The following TENM2 variants were observed in gnomAD, a reference collection of about 807,000 sequenced individuals.
TENM2 encodes teneurin transmembrane protein 2, also known as teneurin-2.
Under a neutral mutation model 245.2 loss-of-function variants are expected in TENM2, and 52 were observed. The observed-to-expected ratio is 0.21, with a 90% CI of 0.17 to 0.27. TENM2 has a LOEUF of 0.27. Among genes scored for constraint, TENM2 ranks in the 10% least tolerant of loss-of-function variants. TENM2 has a pLI of 1.00. For synonymous variants in TENM2, 1,363 were observed against 1,438.9 expected (o/e 0.95, Z 1.19); for missense variants, 3,046 against 3,666.8 (o/e 0.83, Z 4.37).
chr5:168,065,997 G>T (rs150762081), intron 7 of TENM2, among the ~76,000 whole-genome samples: 2 of 152,094 alleles, frequency 1.3e-5, no homozygotes, highest in African/African-American at 4.8e-5. Context: ...GTTGCTACTA[G>T]TACCTAGTGG....
intron 2 of TENM2, among the ~76,000 whole-genome samples, chr5:167,734,433 T>C (rs1760655918): frequency 6.7e-6 from 1 of 149,150 alleles, no homozygotes; most frequent in Non-Finnish European, 1.5e-5. Context: ...TTGCATCTTT[T>C]AAATAAATAT....
intron 1 of TENM2, among the ~76,000 whole-genome samples, chr5:167,295,713 G>A (rs1242698028): frequency 4.6e-5 from 7 of 152,160 alleles, no homozygotes; most frequent in African/African-American, 7.2e-5. Context: ...AGGGGCTAGC[G>A]TGTACTCGAA....
intron 1 of TENM2, among the ~76,000 whole-genome samples, chr5:167,363,879 T>C (rs762434067): frequency 1.5e-4 from 23 of 151,966 alleles, no homozygotes; most frequent in Non-Finnish European, 3.1e-4. Context: ...ATTAACTATG[T>C]ATAATAGAAA....
chr5:167,916,532 T>A (rs1169545367), intron 3 of TENM2, among the ~76,000 whole-genome samples: 2 of 152,152 alleles, frequency 1.3e-5, no homozygotes, highest in African/African-American at 4.8e-5. Context: ...CCTGCTGAAC[T>A]GTGTGTTATA....
chr5:167,982,867 T>G (rs750678961), intron 4 of TENM2, among the ~76,000 whole-genome samples: 1 of 152,196 alleles, frequency 6.6e-6, no homozygotes, highest in Non-Finnish European at 1.5e-5. Flanking sequence ...AGAGGGTCCT[T>G]CCAGCTTGAA....
At chr5:167,925,689 G>T (rs1777701192) in intron 3 of TENM2, among the ~76,000 whole-genome samples, 1 of 152,128 alleles carries the variant, frequency 6.6e-6, no homozygotes, top group South Asian at 2.1e-4. Context: ...CAATACCAAA[G>T]ACATGGAATC....
chr5:167,836,146 T>C (rs893934450), intron 2 of TENM2, among the ~76,000 whole-genome samples: 15 of 152,344 alleles, frequency 9.8e-5, no homozygotes, highest in African/African-American at 3.6e-4. Flanking sequence ...TACTTTTTTA[T>C]GATACATTTA....
At chr5:167,110,632 A>G in the TENM2 span, among the ~76,000 whole-genome samples, 1 of 152,216 alleles carries the variant, frequency 6.6e-6, no homozygotes, top group African/African-American at 2.4e-5. Flanking sequence ...TCCAGAATAC[A>G]TTGGAAGAAG....
intron 20 of TENM2, among the ~76,000 whole-genome samples, chr5:168,213,264 T>C (rs1237441861): frequency 6.6e-6 from 1 of 152,230 alleles, no homozygotes; most frequent in Non-Finnish European, 1.5e-5. Flanking sequence ...CTTTGACTTC[T>C]AGTTCAGGGA....
chr5:167,161,324 G>A, the TENM2 span, among the ~76,000 whole-genome samples: 1,131 of 152,298 alleles, frequency 7.4e-3, 15 homozygotes, highest in African/African-American at 0.025. Flanking sequence ...TTCTCCCTAG[G>A]AAGTGGGGAA....
At chr5:167,765,166 G>A (rs973765847) in intron 2 of TENM2, among the ~76,000 whole-genome samples, 4 of 152,160 alleles carry the variant, frequency 2.6e-5, no homozygotes, top group Admixed American at 1.3e-4. Flanking sequence ...TCAAGAAGCT[G>A]AACAGAAAGC....
chr5:167,396,675 C>T (rs1762072283), intron 2 of TENM2, among the ~76,000 whole-genome samples: 1 of 152,134 alleles, frequency 6.6e-6, no homozygotes, highest in African/African-American at 2.4e-5. Flanking sequence ...GAAAAACTGC[C>T]ACCACCTGTA....
chr5:167,005,660 T>G, the TENM2 span, among the ~76,000 whole-genome samples: 1 of 138,496 alleles, frequency 7.2e-6, no homozygotes, highest in Non-Finnish European at 1.6e-5. Context: ...TGTGGGTTTT[T>G]TTTTTTTTTT....
chr5:168,154,347 G>C lies in TENM2; in HGVS notation c.2423-8264G>C, dbSNP rs181795116. Among the ~76,000 whole-genome samples the C allele has an allele frequency of 3.9e-3, 589 of 152,028 alleles. 6 individuals carry two copies. Among genetic ancestry groups the C allele is most frequent in the African/African-American group, 0.014 (569 of 41,440 alleles). On this transcript the variant is annotated intron_variant, in intron 12 of 28. Transcript: ENST00000518659. ...TTCTCCTGCCTCAGCCTCTCAAGTA[G>C]CTGGGATTATAGGTGCCTGCCACCA...
At chr5:167,770,784 A>G (rs1317976873) in intron 2 of TENM2, among the ~76,000 whole-genome samples, 1 of 152,174 alleles carries the variant, frequency 6.6e-6, no homozygotes, top group Non-Finnish European at 1.5e-5. Context: ...ACAACACAGT[A>G]AACTTCTGAA....
At chr5:167,478,548 C>G (rs903136484) in intron 2 of TENM2, among the ~76,000 whole-genome samples, 10 of 152,088 alleles carry the variant, frequency 6.6e-5, no homozygotes, top group African/African-American at 2.4e-4. Context: ...ATCCACCAGC[C>G]GGATATGGCT....
intron 14 of TENM2, among the ~76,000 whole-genome samples, chr5:168,191,262 G>A (rs1289431168): frequency 1.3e-5 from 2 of 152,186 alleles, no homozygotes; most frequent in Non-Finnish European, 2.9e-5. Flanking sequence ...TGTGCTCCTG[G>A]AGAAGAGAGC....
chr5:167,047,773 G>A, the TENM2 span, among the ~76,000 whole-genome samples: 1 of 152,172 alleles, frequency 6.6e-6, no homozygotes, highest in Non-Finnish European at 1.5e-5. Context: ...CTTTAATTGT[G>A]AAAACCAGTT....
chr5:167,492,568 C>G (rs1264653029), intron 2 of TENM2, among the ~76,000 whole-genome samples: 1 of 152,036 alleles, frequency 6.6e-6, no homozygotes, highest in African/African-American at 2.4e-5. Context: ...ATTTATATGG[C>G]TATTTTATAG....
Sources: allele counts gnomAD v4.1 joint callset (sites outside exome capture counted in the v4.1 genomes callset), GRCh38; gene constraint gnomAD v4.1.1; transcripts MANE v1.5; gene names NCBI Gene and HGNC (gene_info 2026-07-23, HGNC 2026-07-21).